The following TATDN3 variants were observed in gnomAD, a reference collection of about 807,000 sequenced individuals.
TATDN3 encodes TatD DNase domain containing 3.
A neutral mutation model predicts 40.1 loss-of-function variants in TATDN3; 29 were observed. The ratio of observed to expected loss-of-function variants is 0.72; its 90% CI spans 0.54 to 0.99. The LOEUF (loss-of-function observed/expected upper bound fraction) is 0.99. Among genes scored for constraint, TATDN3 ranks in the 50% least tolerant of loss-of-function variants. The pLI is 0.00. For missense variants in TATDN3, 309 were observed against 321.9 expected (o/e 0.96, Z 0.31); for synonymous variants, 105 against 117.0 (o/e 0.90, Z 0.66).
At chr1:212,794,617 C>T (rs1451161986) in intron 1 of TATDN3, 1 of 345,052 alleles carries the variant, frequency 2.9e-6, no homozygotes, top group African/African-American at 2.1e-5. Flanking sequence ...ATGGGGGCCT[C>T]AGCATAATGA....
chr1:212,807,357 A>T (rs1159386494), intron 7 of TATDN3, among the ~76,000 whole-genome samples: 1 of 151,932 alleles, frequency 6.6e-6, no homozygotes, highest in Non-Finnish European at 1.5e-5. Flanking sequence ...GACTCAGGTG[A>T]TCCTCCCACC....
At chr1:212,806,795 C>CACACATATAT (rs1439734586) in intron 7 of TATDN3, among the ~76,000 whole-genome samples, 1 of 96,980 alleles carries the variant, frequency 1.0e-5, no homozygotes, top group Non-Finnish European at 2.2e-5. Context: ...CACACACACA[C>CACACATATAT]ACACATATAT....
At chr1:212,801,772 T>C (rs1454008791) in intron 4 of TATDN3, among the ~76,000 whole-genome samples, 1 of 152,206 alleles carries the variant, frequency 6.6e-6, no homozygotes, top group Non-Finnish European at 1.5e-5. Flanking sequence ...TTCATGACAA[T>C]GTTAATTCTT....
chr1:212,799,383 G>A (rs1363567223), intron 4 of TATDN3, among the ~76,000 whole-genome samples: 2 of 152,302 alleles, frequency 1.3e-5, no homozygotes, highest in South Asian at 2.1e-4. Context: ...AGGGGAAAAA[G>A]TTAGAAGGCT....
chr1:212,796,978 C>G, intron 3 of TATDN3, 134 bp from the exon 4 acceptor site: 1 of 639,208 alleles, frequency 1.6e-6, no homozygotes, highest in South Asian at 2.0e-5. Context: ...TTAAGTGATC[C>G]ACCTGGTTCA....
At chr1:212,804,108 ATAT>A (rs1662320989) in intron 5 of TATDN3, among the ~76,000 whole-genome samples, 1 of 152,138 alleles carries the variant, frequency 6.6e-6, no homozygotes, top group Non-Finnish European at 1.5e-5. Flanking sequence ...TAAAATAATA[ATAT>A]TTGGGATATA....
At chr1:212,813,510 G>A (rs988787534) in intron 9 of TATDN3, among the ~76,000 whole-genome samples, 3 of 150,908 alleles carry the variant, frequency 2.0e-5, no homozygotes, top group African/African-American at 7.3e-5. Context: ...TGATTGCAAT[G>A]TGAATTTTAC....
chr1:212,811,556 A>AACCG lies in TATDN3; in HGVS notation c.601-691_601-688dup, dbSNP rs1349588696. 3.3e-5 allele frequency among the ~76,000 whole-genome samples: 5 copies of AACCG among 151,800 alleles called. No homozygotes were observed. The East Asian group carries it at 9.8e-4, about 30-fold the overall frequency. On this transcript the variant is annotated intron_variant, in intron 8 of 9. Transcript: ENST00000366974. ...TGGGATTACAGGCGCGAGCTACCACAACCGGCCTATCAGTTGAATAGTAAA... is the reference window on the plus strand; with the variant it reads ...TGGGATTACAGGCGCGAGCTACCACAACCGACCGGCCTATCAGTTGAATAGTAAA...
chr1:212,803,960 C>T (rs1361187746), intron 5 of TATDN3, among the ~76,000 whole-genome samples: 1 of 151,934 alleles, frequency 6.6e-6, no homozygotes, highest in Admixed American at 6.6e-5. Flanking sequence ...CGCCTGAACC[C>T]AGGAGGCAGA....
intron 1 of TATDN3, 57 bp downstream of exon 1, chr1:212,792,044 C>A (rs1048839553): frequency 6.4e-7 from 1 of 1,561,102 alleles, no homozygotes; most frequent in Non-Finnish European, 8.8e-7. Context: ...CCTTTCCCCT[C>A]GTGTTATCTT....
intron 8 of TATDN3, 31 bp downstream of exon 8, chr1:212,807,879 C>A: frequency 7.2e-7 from 1 of 1,385,250 alleles, no homozygotes; most frequent in Non-Finnish European, 1.0e-6. Flanking sequence ...TCATCTAATA[C>A]TTATGAAATA....
In TATDN3 at chr1:212,792,760, G is replaced by A. The variant is rs113737965; in HGVS notation, c.66+773G>A. ...TATGAGAGGCCGAAGTGGGTGGATC[G>A]CTTGAGCCCAGGAGTTTGAGACCAG... On this transcript the variant is annotated intron_variant, in intron 1 of 9. Coordinates refer to ENST00000366974, the MANE Select transcript of TATDN3 (RefSeq NM_001042552.3). 5.2e-3 allele frequency among the ~76,000 whole-genome samples: 790 copies of A among 151,268 alleles called. 4 individuals carry two copies. Among genetic ancestry groups the A allele is most frequent in the African/African-American group, 0.018 (753 of 41,138 alleles).
intron 1 of TATDN3, 104 bp from the exon 2 acceptor site, chr1:212,794,991 T>A (rs1661644293): frequency 3.4e-6 from 3 of 881,858 alleles, no homozygotes; most frequent in Non-Finnish European, 5.6e-6. Context: ...CATTAGTTGC[T>A]ATCATTGTTA....
chr1:212,800,876 TA>T (rs541872454), intron 4 of TATDN3, among the ~76,000 whole-genome samples: 2 of 150,778 alleles, frequency 1.3e-5, no homozygotes, highest in African/African-American at 4.8e-5. Context: ...TCATAAGGTA[TA>T]GGGGTATGTA....
At chr1:212,814,089 A>G (rs1052393008) in intron 9 of TATDN3, among the ~76,000 whole-genome samples, 1 of 152,032 alleles carries the variant, frequency 6.6e-6, no homozygotes, top group African/African-American at 2.4e-5. Flanking sequence ...CTAAGTGCTA[A>G]GATTACAGGT....
chr1:212,802,268 G>A (rs183928605), intron 4 of TATDN3, among the ~76,000 whole-genome samples: 5 of 152,334 alleles, frequency 3.3e-5, no homozygotes, highest in South Asian at 2.1e-4. Context: ...TGCAAAGGAA[G>A]TATGGGATTA....
chr1:212,812,506 G>A (rs1222172866), intron 9 of TATDN3, among the ~76,000 whole-genome samples, 178 bp downstream of exon 9: 2 of 152,130 alleles, frequency 1.3e-5, no homozygotes, highest in African/African-American at 4.8e-5. Flanking sequence ...GCACTCCAGA[G>A]AATATTATTT....
intron 9 of TATDN3, among the ~76,000 whole-genome samples, chr1:212,812,575 G>C (rs1332927125): frequency 1.3e-5 from 2 of 152,160 alleles, no homozygotes; most frequent in Non-Finnish European, 2.9e-5. Flanking sequence ...GTAGTAAAAA[G>C]CACAGTGTCT....
chr1:212,793,550 T>C (rs1661501510), intron 1 of TATDN3, among the ~76,000 whole-genome samples: 1 of 152,038 alleles, frequency 6.6e-6, no homozygotes, highest in African/African-American at 2.4e-5. Flanking sequence ...GTATGGCAAA[T>C]GGGTGGAGGA....
Sources: gnomAD v4.1 joint callset for allele counts (sites outside exome capture counted in the v4.1 genomes callset) on GRCh38, gnomAD v4.1.1 for gene constraint, MANE v1.5 for transcripts, NCBI Gene and HGNC (gene_info 2026-07-23, HGNC 2026-07-21) for gene names.